Variants in STK32B observed in about 807,000 individuals in gnomAD.
STK32B encodes the protein serine/threonine kinase 32B.
In STK32B, 43 loss-of-function variants were observed where a neutral mutation model predicts 52.6. That is an observed-to-expected ratio of 0.82 (90% confidence interval 0.64 to 1.05). The LOEUF is 1.05. Among genes scored for constraint, STK32B ranks in the 50% least tolerant of loss-of-function variants. The probability of loss-of-function intolerance (pLI) is 0.00; values close to 1 mark genes in which losing one functional copy is unlikely to be tolerated. For synonymous variants in STK32B, 238 were observed against 204.3 expected (o/e 1.17, Z -1.41); for missense variants, 621 against 534.6 (o/e 1.16, Z -1.59).
chr4:5,097,432 A>G (rs1713464752), intron 1 of STK32B, among the ~76,000 whole-genome samples: 2 of 152,240 alleles, frequency 1.3e-5, no homozygotes, highest in Admixed American at 6.5e-5. Flanking sequence ...AGCTTCATTT[A>G]GAAGGATACT....
At chr4:5,256,667 A>G (rs566260127) in intron 3 of STK32B, among the ~76,000 whole-genome samples, 18 of 152,270 alleles carry the variant, frequency 1.2e-4, no homozygotes, top group Admixed American at 2.0e-4. Flanking sequence ...TCCCCTGCGA[A>G]GTCTTCTCCT....
chr4:5,418,972 A>G (rs16837177), intron 6 of STK32B, among the ~76,000 whole-genome samples: 8,434 of 152,170 alleles, frequency 0.055, 702 homozygotes, highest in African/African-American at 0.18. Flanking sequence ...CTAAATTCCA[A>G]TCTATCTTCA....
intron 4 of STK32B, among the ~76,000 whole-genome samples, chr4:5,352,547 C>A (rs1733892694): frequency 6.6e-6 from 1 of 151,438 alleles, no homozygotes; most frequent in Non-Finnish European, 1.5e-5. Context: ...GACAAGAATG[C>A]CACTTTTACC....
chr4:5,045,756 T>C, the STK32B span, among the ~76,000 whole-genome samples: 11 of 152,210 alleles, frequency 7.2e-5, no homozygotes, highest in Non-Finnish European at 1.0e-4. Flanking sequence ...ACATTGATTT[T>C]GTATCCCGAG....
chr4:5,131,217 A>G (rs1401406733), intron 1 of STK32B, among the ~76,000 whole-genome samples: 1 of 152,200 alleles, frequency 6.6e-6, no homozygotes, highest in Admixed American at 6.5e-5. Context: ...AGGCTGCACC[A>G]GCACTAAGGG....
At position 5,469,364 on chromosome 4, in the gene STK32B, C is replaced by T. The variant is rs1052229370; in HGVS notation, c.1106+1294C>T. Among the ~76,000 whole-genome samples, 1 of 152,226 alleles carries T rather than the reference C, an allele frequency of 6.6e-6. No individual in the cohort carries two copies. Among genetic ancestry groups the T allele is most frequent in the African/African-American group, 2.4e-5 (1 of 41,466 alleles). On this transcript the variant is annotated intron_variant, in intron 11 of 11. Transcript: ENST00000282908. The surrounding 1 kb of genome is among the most constrained non-coding windows in gnomAD (Gnocchi z 4.7). ...GGGCAGTGCATGTCACAGCAGACAC[C>T]TGGCTCAGCCTGGGTGGTTGGGGAA...
At chr4:5,301,568 C>T (rs1427713634) in intron 3 of STK32B, among the ~76,000 whole-genome samples, 1 of 150,564 alleles carries the variant, frequency 6.6e-6, no homozygotes, top group African/African-American at 2.4e-5. Context: ...CATAAAATTT[C>T]TTATACTGTT....
intron 4 of STK32B, among the ~76,000 whole-genome samples, chr4:5,343,794 A>G (rs1733264006): frequency 6.6e-6 from 1 of 152,160 alleles, no homozygotes; most frequent in Non-Finnish European, 1.5e-5. Context: ...ACCTACAAAT[A>G]TTCTTTGATA....
chr4:5,420,467 G>T (rs1455679940), intron 6 of STK32B, among the ~76,000 whole-genome samples: 3 of 152,136 alleles, frequency 2.0e-5, no homozygotes, highest in Non-Finnish European at 4.4e-5. Flanking sequence ...TGGGGGCAAC[G>T]GCAACTTCTC....
intron 4 of STK32B, among the ~76,000 whole-genome samples, chr4:5,397,834 G>A (rs1553883824): frequency 6.6e-6 from 1 of 152,254 alleles, no homozygotes; most frequent in Non-Finnish European, 1.5e-5. Flanking sequence ...CATGACACCT[G>A]CAGGGAACCC....
At chr4:5,153,560 G>C (rs763061874) in intron 2 of STK32B, among the ~76,000 whole-genome samples, 1 of 151,002 alleles carries the variant, frequency 6.6e-6, no homozygotes, top group Non-Finnish European at 1.5e-5. Flanking sequence ...CTCTCGACCT[G>C]ATAAAAAGCA....
intron 2 of STK32B, among the ~76,000 whole-genome samples, chr4:5,159,209 G>C (rs1718114627): frequency 6.6e-6 from 1 of 152,154 alleles, no homozygotes; most frequent in African/African-American, 2.4e-5. Context: ...CCATGGTGCA[G>C]TCTCTCTGTG....
chr4:5,310,541 T>A (rs988998998), intron 3 of STK32B, among the ~76,000 whole-genome samples: 1 of 151,980 alleles, frequency 6.6e-6, no homozygotes, highest in South Asian at 2.1e-4. Flanking sequence ...AAATAACAAA[T>A]GCTGGCAAGG....
chr4:5,482,924 C>T (rs1718842231), intron 11 of STK32B, among the ~76,000 whole-genome samples: 1 of 152,122 alleles, frequency 6.6e-6, no homozygotes, highest in Non-Finnish European at 1.5e-5. Flanking sequence ...GCCTTGCATC[C>T]CAGGGATGTA....
In STK32B at chr4:5,100,706, CTT is replaced by C. The variant is rs1238973692; in HGVS notation, c.53-39197_53-39196del. On this transcript the variant is annotated intron_variant, in intron 1 of 11. Coordinates refer to ENST00000282908, the MANE Select transcript of STK32B (RefSeq NM_018401.3). ...CTTACTTTCTTTCTTTCCTTCCTTC[CTT>C]TCTTCCTTCCCTCCTTCCCTTCTTC... Among the ~76,000 whole-genome samples, 55 of 40,356 alleles carry C rather than the reference CTT, an allele frequency of 1.4e-3. 2 individuals carry two copies. Among genetic ancestry groups the C allele is most frequent in the East Asian group, 4.9e-3 (1 of 206 alleles). The allele number at this position is 40,356 out of a possible 152,430, so 26.5% of individuals were successfully genotyped here.
intron 1 of STK32B, among the ~76,000 whole-genome samples, chr4:5,072,582 T>G (rs1711849288): frequency 6.6e-6 from 1 of 152,170 alleles, no homozygotes; most frequent in East Asian, 1.9e-4. Flanking sequence ...ACTGCTGTCA[T>G]TTGTCTCAGG....
rs1361081572 is a variant in STK32B at position 5,331,172 on chromosome 4, C to G, written c.261-48C>G. On this transcript the variant is annotated intron_variant, in intron 3 of 11. Transcript: ENST00000282908. ...AATGGAGGCATTGGTCTTGAGGGTG[C>G]TGAAGGTGCCTCCACCCCTAATCTT... is the stretch of plus-strand genomic sequence containing the variant. The G allele has an allele frequency of 1.9e-6, 3 of 1,547,294 alleles. No individual in the cohort carries two copies. The Admixed American group carries it at 5.5e-5, about 28-fold the overall frequency.
At chr4:5,145,372 A>G (rs1339894820) in intron 2 of STK32B, among the ~76,000 whole-genome samples, 1 of 152,232 alleles carries the variant, frequency 6.6e-6, no homozygotes, top group African/African-American at 2.4e-5. Context: ...TGTAAAATGT[A>G]CATACAACAG....
intron 3 of STK32B, among the ~76,000 whole-genome samples, chr4:5,326,140 G>C (rs565816939): frequency 6.6e-6 from 1 of 152,346 alleles, no homozygotes; most frequent in East Asian, 1.9e-4. Context: ...ATGGAATACT[G>C]AATGAGATGC....
Sources: allele counts gnomAD v4.1 joint callset (sites outside exome capture counted in the v4.1 genomes callset), GRCh38; gene constraint gnomAD v4.1.1; non-coding constraint Gnocchi (gnomAD v3.1); transcripts MANE v1.5; gene names NCBI Gene and HGNC (gene_info 2026-07-23, HGNC 2026-07-21).